Variants in CSMD1 observed in about 807,000 individuals in gnomAD.
CSMD1 encodes the protein CUB and Sushi multiple domains 1.
CSMD1 carries 213 observed loss-of-function variants against 417.5 expected under a neutral mutation model. The ratio of observed to expected loss-of-function variants is 0.51; its 90% CI spans 0.46 to 0.57. CSMD1 has a LOEUF of 0.57. CSMD1 is among the 20% of genes least tolerant of loss of function. The probability of loss-of-function intolerance (pLI) is 0.00; values close to 1 mark genes in which losing one functional copy is unlikely to be tolerated. For missense variants in CSMD1, 6,923 were observed against 4,529.7 expected (o/e 1.53, Z -15.17); for synonymous variants, 2,862 against 1,736.8 (o/e 1.65, Z -16.11).
intron 5 of CSMD1, among the ~76,000 whole-genome samples, chr8:3,994,139 T>C (rs1037643939): frequency 2.0e-5 from 3 of 152,222 alleles, no homozygotes; most frequent in Admixed American, 1.3e-4. Context: ...GATGCATTTA[T>C]ATTTGTTTTG....
intron 1 of CSMD1, among the ~76,000 whole-genome samples, chr8:4,962,730 G>T (rs1031874675): frequency 2.0e-5 from 3 of 152,162 alleles, no homozygotes; most frequent in African/African-American, 7.2e-5. Flanking sequence ...AAGAACGGCA[G>T]GAGAAGCCAG....
chr8:4,668,666 G>A (rs1805106265), intron 1 of CSMD1, among the ~76,000 whole-genome samples: 1 of 151,882 alleles, frequency 6.6e-6, no homozygotes, highest in Non-Finnish European at 1.5e-5. Context: ...TAGCCAGGAT[G>A]TTCTCGATTT....
At chr8:4,579,635 T>A (rs1799320790) in intron 2 of CSMD1, among the ~76,000 whole-genome samples, 1 of 152,132 alleles carries the variant, frequency 6.6e-6, no homozygotes. Context: ...GTTCTGATAT[T>A]ACAGGTGTGA....
At chr8:4,707,624 C>T (rs893617135) in intron 1 of CSMD1, among the ~76,000 whole-genome samples, 1 of 151,982 alleles carries the variant, frequency 6.6e-6, no homozygotes, top group Non-Finnish European at 1.5e-5. Context: ...TGATGGCTCA[C>T]TCCTGTAATC....
At chr8:3,657,891 C>A (rs10103372) in intron 7 of CSMD1, among the ~76,000 whole-genome samples, 51,634 of 152,032 alleles carry the variant, frequency 0.34, 9,538 homozygotes, top group Admixed American at 0.41. Context: ...GAAACTTACC[C>A]TGGAGCTTCT....
intron 12 of CSMD1, among the ~76,000 whole-genome samples, chr8:3,429,940 C>G (rs1255435930): frequency 6.6e-6 from 1 of 152,116 alleles, no homozygotes; most frequent in African/African-American, 2.4e-5. Flanking sequence ...TTATATTTGT[C>G]AATCTCGATA....
intron 3 of CSMD1, among the ~76,000 whole-genome samples, chr8:4,140,907 C>G (rs1563176987): frequency 6.6e-6 from 1 of 151,060 alleles, no homozygotes; most frequent in Non-Finnish European, 1.5e-5. Flanking sequence ...CTCAGTAGGG[C>G]CGACTTACTG....
chr8:3,457,598 T>C (rs573882405), intron 12 of CSMD1, among the ~76,000 whole-genome samples: 3 of 152,184 alleles, frequency 2.0e-5, no homozygotes, highest in Admixed American at 6.5e-5. Context: ...ATTTCAAGAA[T>C]AGAATAGTCC....
chr8:4,183,194 A>G (rs1798474609), intron 3 of CSMD1, among the ~76,000 whole-genome samples: 1 of 152,168 alleles, frequency 6.6e-6, no homozygotes, highest in Non-Finnish European at 1.5e-5. Flanking sequence ...AATTTAGGGG[A>G]AAAAATGGGT....
chr8:4,711,980 C>G (rs925673885), intron 1 of CSMD1, among the ~76,000 whole-genome samples: 10 of 152,086 alleles, frequency 6.6e-5, no homozygotes, highest in Admixed American at 6.6e-4. Flanking sequence ...AAACTCAAGT[C>G]AGTGATTTGA....
intron 12 of CSMD1, among the ~76,000 whole-genome samples, chr8:3,421,996 G>A (rs1424704146): frequency 1.3e-5 from 2 of 149,866 alleles, no homozygotes; most frequent in Admixed American, 6.6e-5. Flanking sequence ...CTTAGAGCGT[G>A]AGCCACCGCG....
At chr8:3,282,983 A>C (rs1802852933) in intron 26 of CSMD1, among the ~76,000 whole-genome samples, 1 of 152,128 alleles carries the variant, frequency 6.6e-6, no homozygotes, top group Non-Finnish European at 1.5e-5. Flanking sequence ...GTGCCATCCG[A>C]AGGGCACTAA....
At chr8:4,809,211 C>A (rs1798763207) in intron 1 of CSMD1, among the ~76,000 whole-genome samples, 1 of 152,120 alleles carries the variant, frequency 6.6e-6, no homozygotes, top group African/African-American at 2.4e-5. Context: ...TGATATTATT[C>A]TTTAGGAGAA....
intron 8 of CSMD1, among the ~76,000 whole-genome samples, chr8:3,593,828 C>A (rs1056700895): frequency 6.6e-6 from 1 of 152,076 alleles, no homozygotes; most frequent in Non-Finnish European, 1.5e-5. Context: ...CTCTTTCTCC[C>A]TATCTCCCTC....
chr8:4,917,373 G>A (rs372622021), intron 1 of CSMD1, among the ~76,000 whole-genome samples: 64 of 152,154 alleles, frequency 4.2e-4, no homozygotes, highest in African/African-American at 1.4e-3. Context: ...GGCGGCTCAC[G>A]CCTGTAACCC....
intron 68 of CSMD1, 21 bp downstream of exon 68, chr8:2,949,278 T>C (rs556305936): frequency 5.9e-5 from 82 of 1,383,412 alleles, no homozygotes; most frequent in Non-Finnish European, 8.1e-5. Context: ...TGCTTTAAAA[T>C]ATATCCTAAG....
intron 3 of CSMD1, among the ~76,000 whole-genome samples, chr8:4,292,861 T>C (rs553426571): frequency 6.6e-6 from 1 of 152,284 alleles, no homozygotes; most frequent in East Asian, 1.9e-4. Context: ...GAATATTTAA[T>C]GGGTTAATTT....
intron 5 of CSMD1, among the ~76,000 whole-genome samples, chr8:3,758,420 A>G (rs1321962117): frequency 6.6e-6 from 1 of 152,196 alleles, no homozygotes; most frequent in African/African-American, 2.4e-5. Context: ...ACAAATGTTC[A>G]TAGACTTTTG....
intron 9 of CSMD1, among the ~76,000 whole-genome samples, chr8:3,576,450 C>T (rs1800155789): frequency 6.6e-6 from 1 of 152,084 alleles, no homozygotes; most frequent in South Asian, 2.1e-4. Context: ...GCACTGTGTA[C>T]CACGCTGCAG....
Sources: allele counts gnomAD v4.1 joint callset (sites outside exome capture counted in the v4.1 genomes callset), GRCh38; gene constraint gnomAD v4.1.1; transcripts MANE v1.5; gene names NCBI Gene and HGNC (gene_info 2026-07-23, HGNC 2026-07-21).